TEX14: variants seen among roughly 807,000 people sequenced by gnomAD.
The protein encoded by TEX14 is testis expressed 14, intercellular bridge forming factor.
A neutral mutation model predicts 178.6 loss-of-function variants in TEX14; 168 were observed. That is an observed-to-expected ratio of 0.94 (90% CI 0.83 to 1.07). TEX14 has a LOEUF of 1.07. Ranked by LOEUF, TEX14 falls within the 50% of genes least tolerant of loss-of-function variation. The pLI is 0.00. For synonymous variants in TEX14, 626 were observed against 634.1 expected (o/e 0.99, Z 0.19); for missense variants, 1,730 against 1,753.6 (o/e 0.99, Z 0.24).
At chr17:58,611,764 C>T (rs2045751429) in intron 9 of TEX14, among the ~76,000 whole-genome samples, 1 of 152,204 alleles carries the variant, frequency 6.6e-6, no homozygotes, top group African/African-American at 2.4e-5. Flanking sequence ...CAATTCAGTC[C>T]TACCCCAGTC....
At chr17:58,582,131 G>A (rs1280022328) in intron 19 of TEX14, among the ~76,000 whole-genome samples, 1 of 152,186 alleles carries the variant, frequency 6.6e-6, no homozygotes, top group Non-Finnish European at 1.5e-5. Flanking sequence ...CAGATGAGGA[G>A]GCTGCGGCTA....
intron 1 of TEX14, among the ~76,000 whole-genome samples, chr17:58,656,540 G>C (rs951058889): frequency 1.3e-5 from 2 of 152,022 alleles, no homozygotes; most frequent in African/African-American, 4.8e-5. Flanking sequence ...TGGATCATGA[G>C]GTCGGGAGTT....
At chr17:58,588,537 G>A (rs748669789) in intron 15 of TEX14, among the ~76,000 whole-genome samples, 3 of 151,608 alleles carry the variant, frequency 2.0e-5, no homozygotes, top group East Asian at 1.9e-4. Flanking sequence ...CACCCACCTC[G>A]GCCTCCCAAA....
chr17:58,674,756 C>T (rs551380439), intron 1 of TEX14, among the ~76,000 whole-genome samples: 16 of 143,482 alleles, frequency 1.1e-4, no homozygotes, highest in Admixed American at 8.8e-4. Flanking sequence ...CATATGACAT[C>T]AAAAGCACAA....
At chr17:58,564,023 G>C (rs1446165771) in intron 28 of TEX14, 1 of 151,968 alleles carries the variant, frequency 6.6e-6, no homozygotes. Flanking sequence ...CACAAAAAGA[G>C]AGAGAAAATA....
intron 15 of TEX14, among the ~76,000 whole-genome samples, chr17:58,588,308 T>C (rs549402722): frequency 6.6e-6 from 1 of 152,244 alleles, no homozygotes; most frequent in South Asian, 2.1e-4. Flanking sequence ...ATAACATTTG[T>C]AGTTGTTGAG....
chr17:58,622,867 C>T lies in TEX14; in HGVS notation c.397G>A (p.Gly133Arg). 1.2e-6 allele frequency: 2 copies of T among 1,610,492 alleles called. No individual in the cohort carries two copies. The highest frequency in any genetic ancestry group is 1.7e-6 in the Non-Finnish European group (2 of 1,177,386). Residue 133 changes from glycine (G) to arginine (R), a missense_variant, in exon 4 of 32, where the codon GGA becomes AGA. This residue lies in a region of TEX14 where 789 missense variants were observed against 681.2 expected (regional missense o/e 1.16). Transcript: ENST00000349033. ...CTTACCTGGGTGCTACGCTCCTTTCCTGCTGTCAAAGCCCAAGTCTTCGGG... is the reference window on the plus strand; with the variant it reads ...CTTACCTGGGTGCTACGCTCCTTTCTTGCTGTCAAAGCCCAAGTCTTCGGG... ...QNPKTWALTA[G>R]KERSTQIVEF...
At chr17:58,563,052 A>G (rs1448834250) in intron 28 of TEX14, among the ~76,000 whole-genome samples, 1 of 147,170 alleles carries the variant, frequency 6.8e-6, no homozygotes, top group Non-Finnish European at 1.5e-5. Context: ...CAGCCTGGGC[A>G]ACAATGTGAG....
chr17:58,625,907 ATT>A (rs761348331), intron 3 of TEX14, among the ~76,000 whole-genome samples: 2 of 144,344 alleles, frequency 1.4e-5, no homozygotes. Flanking sequence ...TGGCTGGCTA[ATT>A]TTTTTTTTTT....
intron 2 of TEX14, among the ~76,000 whole-genome samples, chr17:58,632,474 G>T (rs2046344568): frequency 6.6e-6 from 1 of 152,162 alleles, no homozygotes; most frequent in Admixed American, 6.5e-5. Flanking sequence ...TTACAGGCGT[G>T]AGCCGTCACA....
intron 1 of TEX14, among the ~76,000 whole-genome samples, chr17:58,666,226 T>C (rs76816951): frequency 6.6e-6 from 1 of 151,574 alleles, no homozygotes; most frequent in Admixed American, 6.6e-5. Flanking sequence ...GCCTGTAATG[T>C]AATCCCAGTT....
chr17:58,605,445 C>T (rs1272477261), intron 10 of TEX14, among the ~76,000 whole-genome samples: 6 of 152,196 alleles, frequency 3.9e-5, no homozygotes, highest in African/African-American at 7.2e-5. Flanking sequence ...TTTGTGAAAA[C>T]TTTGCCTCTG....
chr17:58,565,742 C>T lies in TEX14; in HGVS notation c.3964+5G>A, dbSNP rs1177468347. On this transcript the variant is annotated splice_donor_5th_base_variant and intron_variant, in intron 27 of 31. Coordinates refer to ENST00000349033, the MANE Select transcript of TEX14 (RefSeq NM_031272.5). ...TGATGAAAACAATCTAGGTAGTTCACTTACCATTTGCAGTGCCTCCTCCAT... is the reference window on the plus strand; with the variant it reads ...TGATGAAAACAATCTAGGTAGTTCATTTACCATTTGCAGTGCCTCCTCCAT... 1.9e-6 allele frequency: 3 copies of T among 1,602,258 alleles called. No homozygotes were observed. The highest frequency in any genetic ancestry group is 1.7e-5 in the Admixed American group (1 of 59,208).
At chr17:58,683,198 C>T (rs1409135341) in intron 1 of TEX14, among the ~76,000 whole-genome samples, 1 of 147,072 alleles carries the variant, frequency 6.8e-6, no homozygotes, top group East Asian at 2.1e-4. Context: ...CATAGCAAAA[C>T]CCCATCTCTA....
At position 58,622,864 on chromosome 17, in the gene TEX14, T is replaced by C. The variant is rs2046032369; in HGVS notation, c.400A>G (p.Lys134Glu). The C allele has an allele frequency of 1.2e-6, 2 of 1,610,438 alleles. No homozygotes were observed. Among genetic ancestry groups the C allele is most frequent in the Non-Finnish European group, 1.7e-6 (2 of 1,177,408 alleles). ...NPKTWALTAG[K>E]ERSTQIVEFM... ...ACCCTTACCTGGGTGCTACGCTCCT[T>C]TCCTGCTGTCAAAGCCCAAGTCTTC... The change falls in exon 4 of 32, where the codon AAG becomes GAG. Residue 134 changes from lysine (K) to glutamate (E), a missense_variant. Around this residue, in one of 2 missense-constraint regions of TEX14, gnomAD observed 789 missense variants for 681.2 expected, o/e 1.16. Coordinates refer to ENST00000349033, the MANE Select transcript of TEX14 (RefSeq NM_031272.5).
intron 15 of TEX14, among the ~76,000 whole-genome samples, chr17:58,592,278 G>A (rs1488750971): frequency 1.3e-5 from 2 of 150,570 alleles, no homozygotes; most frequent in Admixed American, 6.6e-5. Flanking sequence ...TGCCAAGGCT[G>A]GAGTGCAGTG....
At chr17:58,574,675 CA>C (rs1177255314) in intron 21 of TEX14, among the ~76,000 whole-genome samples, 22 of 43,882 alleles carry the variant, frequency 5.0e-4, no homozygotes, top group African/African-American at 9.5e-4. Flanking sequence ...ACTCCATCTC[CA>C]AAAAAAAAAA....
intron 24 of TEX14, among the ~76,000 whole-genome samples, chr17:58,570,793 A>T (rs187375350): frequency 1.3e-5 from 2 of 151,172 alleles, no homozygotes; most frequent in Non-Finnish European, 3.0e-5. Flanking sequence ...GCCCAGCCAA[A>T]TTTTTTTCTG....
At chr17:58,601,471 G>A (rs1180061262) in intron 13 of TEX14, among the ~76,000 whole-genome samples, 2 of 149,318 alleles carry the variant, frequency 1.3e-5, no homozygotes, top group Admixed American at 6.7e-5. Context: ...GCAATGAGCC[G>A]AGACCCCACC....
Sources: allele counts gnomAD v4.1 joint callset (sites outside exome capture counted in the v4.1 genomes callset), GRCh38; gene constraint gnomAD v4.1.1; regional missense constraint gnomAD v4.1.1; transcripts MANE v1.5; gene names NCBI Gene and HGNC (gene_info 2026-07-23, HGNC 2026-07-21).